The following CPNE4 variants were observed in gnomAD, a reference collection of about 807,000 sequenced individuals.
CPNE4 encodes copine-4.
Under a neutral mutation model 67.9 loss-of-function variants are expected in CPNE4, and 25 were observed. The ratio of observed to expected loss-of-function variants is 0.37; its 90% CI spans 0.27 to 0.51. CPNE4 has a LOEUF of 0.51. CPNE4 is among the 20% of genes least tolerant of loss of function. CPNE4 has a pLI of 0.93. For missense variants in CPNE4, 464 were observed against 690.8 expected, an observed-to-expected ratio of 0.67 and a Z score of 3.68; for synonymous variants, 242 against 244.9, an observed-to-expected ratio of 0.99 and a Z score of 0.11.
chr3:131,772,524 G>A (rs1395122389), intron 2 of CPNE4, among the ~76,000 whole-genome samples: 3 of 152,058 alleles, frequency 2.0e-5, no homozygotes, highest in Non-Finnish European at 4.4e-5. Context: ...GCATCTCCTC[G>A]AGCTGACTTA....
At chr3:131,658,074 G>C (rs1366765591) in intron 7 of CPNE4, among the ~76,000 whole-genome samples, 2 of 152,094 alleles carry the variant, frequency 1.3e-5, no homozygotes, top group Non-Finnish European at 2.9e-5. Context: ...GAGGTTCCCT[G>C]TATGGAGCTT....
chr3:131,714,187 A>G (rs1214119576), intron 3 of CPNE4, among the ~76,000 whole-genome samples: 1 of 152,096 alleles, frequency 6.6e-6, no homozygotes, highest in African/African-American at 2.4e-5. Context: ...GAGTTTGGGT[A>G]GCACCCTCAG....
chr3:131,541,718 T>C (rs1582754448), intron 15 of CPNE4, among the ~76,000 whole-genome samples: 1 of 152,282 alleles, frequency 6.6e-6, no homozygotes, highest in Admixed American at 6.5e-5. Context: ...TCACCCAGGC[T>C]GGAGTGCAGT....
At position 131,932,319 on chromosome 3, in the gene CPNE4, C is replaced by A. The variant is rs372877228; in HGVS notation, c.-1-26875G>T. On this transcript the variant is annotated intron_variant, in intron 1 of 15. Transcript: ENST00000429747. Reference sequence around the variant, plus strand: ...ATATGACATATTATGCCATTAAATACCTCTGTGTCAAAGTGAGCCCAGCCT... The same window carrying A: ...ATATGACATATTATGCCATTAAATAACTCTGTGTCAAAGTGAGCCCAGCCT... Among the ~76,000 whole-genome samples the A allele has an allele frequency of 7.2e-5, 11 of 152,222 alleles. No individual in the cohort carries two copies. In the South Asian group the frequency reaches 1.0e-3, roughly 14 times the overall value.
intron 2 of CPNE4, among the ~76,000 whole-genome samples, chr3:131,814,517 C>G (rs1419496584): frequency 1.4e-5 from 2 of 146,492 alleles, no homozygotes; most frequent in Non-Finnish European, 3.0e-5. Context: ...ATCACTACCA[C>G]AAGACTCTTT....
At chr3:131,612,612 C>G (rs1423388477) in intron 7 of CPNE4, among the ~76,000 whole-genome samples, 1 of 152,038 alleles carries the variant, frequency 6.6e-6, no homozygotes, top group Non-Finnish European at 1.5e-5. Context: ...ATGGCAAATA[C>G]CGGGCACAGG....
chr3:132,004,073 T>C (rs561848874), intron 1 of CPNE4, among the ~76,000 whole-genome samples: 26 of 152,194 alleles, frequency 1.7e-4, no homozygotes, highest in Admixed American at 2.6e-4. Flanking sequence ...CTCCACACCC[T>C]TCTGTCAGCA....
Position 131,542,655 on chromosome 3 carries a change from G to T in CPNE4, c.1441C>A (p.Gln481Lys), listed in dbSNP as rs377524652. 19 of 1,613,964 alleles carry T rather than the reference G, an allele frequency of 1.2e-5. No homozygotes were observed. In the African/African-American group the frequency reaches 2.5e-4, roughly 22 times the overall value. Residue 481 changes from glutamine to lysine, a missense_variant, in exon 15 of 16, where the codon CAG (glutamine) becomes AAG (lysine). Coordinates refer to ENST00000429747, the MANE Select transcript of CPNE4 (RefSeq NM_130808.3). ...GVGNADFSDM[Q>K]MLDGDDGILR... ...ATCCCATCATCACCGTCCAGCATCT[G>T]CATGTCACTGAAGTCAGCGTTCCCT...
At chr3:131,974,016 G>A (rs1272504923) in intron 1 of CPNE4, among the ~76,000 whole-genome samples, 1 of 152,168 alleles carries the variant, frequency 6.6e-6, no homozygotes, top group Non-Finnish European at 1.5e-5. Flanking sequence ...CCATGGCAAC[G>A]AGAGTCAATA....
intron 1 of CPNE4, among the ~76,000 whole-genome samples, chr3:131,939,821 T>C (rs992831422): frequency 1.3e-5 from 2 of 152,108 alleles, no homozygotes; most frequent in Non-Finnish European, 2.9e-5. Context: ...GCTGGCAGGA[T>C]TGGGCCAGTC....
chr3:131,974,352 G>A (rs879908448), intron 1 of CPNE4, among the ~76,000 whole-genome samples: 8 of 152,148 alleles, frequency 5.3e-5, no homozygotes, highest in East Asian at 1.9e-4. Flanking sequence ...ATGTATATAC[G>A]CATCTACAGT....
Position 131,642,696 on chromosome 3 carries a change from C to T in CPNE4, c.681+26979G>A, listed in dbSNP as rs117192586. 8.5e-3 allele frequency among the ~76,000 whole-genome samples: 1,294 copies of T among 152,078 alleles called. 24 individuals are homozygous for T. The highest frequency in any genetic ancestry group is 0.061 in the East Asian group (316 of 5,166). On this transcript the variant is annotated intron_variant, in intron 7 of 15. Coordinates refer to ENST00000429747, the MANE Select transcript of CPNE4 (RefSeq NM_130808.3). Reference sequence around the variant, plus strand: ...ATAGTGAGAAAATTCTTATGATATCCGATGGTTTTATAAGGGGCTTTTCCC... The same window carrying T: ...ATAGTGAGAAAATTCTTATGATATCTGATGGTTTTATAAGGGGCTTTTCCC...
chr3:131,862,218 A>G (rs2086719657), intron 2 of CPNE4, among the ~76,000 whole-genome samples: 1 of 152,132 alleles, frequency 6.6e-6, no homozygotes, highest in African/African-American at 2.4e-5. Context: ...TTGATATCTC[A>G]AATCTCTCAT....
At chr3:131,626,084 C>G (rs1373540835) in intron 7 of CPNE4, among the ~76,000 whole-genome samples, 1 of 152,144 alleles carries the variant, frequency 6.6e-6, no homozygotes, top group African/African-American at 2.4e-5. Context: ...ACTTCTCCAC[C>G]AACTGGCTAT....
At chr3:132,028,650 C>A (rs80273039) in intron 1 of CPNE4, among the ~76,000 whole-genome samples, 2 of 152,068 alleles carry the variant, frequency 1.3e-5, no homozygotes, top group East Asian at 3.9e-4. Flanking sequence ...TTATTGCTAA[C>A]CTTTAACAAA....
chr3:131,632,155 G>A (rs1016182120), intron 7 of CPNE4, among the ~76,000 whole-genome samples: 31 of 151,626 alleles, frequency 2.0e-4, no homozygotes, highest in African/African-American at 5.8e-4. Context: ...GATTACAGGC[G>A]TGCACCACCA....
chr3:131,631,466 TAATA>T (rs1035981193), intron 7 of CPNE4, among the ~76,000 whole-genome samples: 1 of 152,212 alleles, frequency 6.6e-6, no homozygotes, highest in African/African-American at 2.4e-5. Flanking sequence ...AAAAAAGACT[TAATA>T]AACAATTCAA....
At chr3:131,890,420 TA>T in intron 2 of CPNE4, among the ~76,000 whole-genome samples, 1 of 151,546 alleles carries the variant, frequency 6.6e-6, no homozygotes, top group African/African-American at 2.4e-5. Context: ...TAGGCATTAT[TA>T]TTTTTTTTTT....
chr3:131,833,462 G>A (rs1463587606), intron 2 of CPNE4, among the ~76,000 whole-genome samples: 1 of 152,202 alleles, frequency 6.6e-6, no homozygotes, highest in African/African-American at 2.4e-5. Context: ...GGGAAGCCCA[G>A]GCAGGCGGAT....
Sources: gnomAD v4.1 joint callset for allele counts (sites outside exome capture counted in the v4.1 genomes callset) on GRCh38, gnomAD v4.1.1 for gene constraint, MANE v1.5 for transcripts, NCBI Gene and HGNC (gene_info 2026-07-23, HGNC 2026-07-21) for gene names.